CCDC85C: variants seen among roughly 807,000 people sequenced by gnomAD.
The protein encoded by CCDC85C is coiled-coil domain containing 85C.
A neutral mutation model predicts 38.3 loss-of-function variants in CCDC85C; 18 were observed. The observed-to-expected ratio is 0.47, with a 90% CI of 0.33 to 0.70. The LOEUF (loss-of-function observed/expected upper bound fraction) is 0.70. CCDC85C is among the 30% of genes least tolerant of loss of function. CCDC85C has a pLI of 0.03. For synonymous variants in CCDC85C, 264 were observed against 293.8 expected (o/e 0.90, Z 1.04); for missense variants, 566 against 621.2 (o/e 0.91, Z 0.94).
intron 1 of CCDC85C, among the ~76,000 whole-genome samples, chr14:99,593,125 C>G (rs1180704367): frequency 6.6e-6 from 1 of 152,362 alleles, no homozygotes; most frequent in Middle Eastern, 3.4e-3. Context: ...CGGGCCGGTG[C>G]CGTGCGCGGT....
intron 1 of CCDC85C, among the ~76,000 whole-genome samples, chr14:99,571,887 G>A (rs1898353133): frequency 6.6e-6 from 1 of 152,132 alleles, no homozygotes; most frequent in African/African-American, 2.4e-5. Context: ...GGCACCTCTT[G>A]GCACATGGGT....
At chr14:99,598,979 G>C (rs1432918297) in intron 1 of CCDC85C, among the ~76,000 whole-genome samples, 1 of 152,140 alleles carries the variant, frequency 6.6e-6, no homozygotes, top group East Asian at 1.9e-4. Context: ...GCCATTGATG[G>C]ATCCCTTGGG....
intron 1 of CCDC85C, among the ~76,000 whole-genome samples, chr14:99,562,526 G>A (rs1009382284): frequency 4.6e-5 from 7 of 152,224 alleles, no homozygotes; most frequent in Non-Finnish European, 4.4e-5. Context: ...CAGCCACATA[G>A]GGCCAGAGCT....
chr14:99,528,934 G>A (rs750967115), intron 2 of CCDC85C, among the ~76,000 whole-genome samples: 63 of 152,132 alleles, frequency 4.1e-4, no homozygotes, highest in Admixed American at 1.6e-3. Flanking sequence ...AAACTACCAC[G>A]GCACACGTGT....
intron 1 of CCDC85C, 101 bp from the exon 2 acceptor site, chr14:99,536,189 C>G (rs1488300901): frequency 1.2e-6 from 1 of 819,418 alleles, no homozygotes; most frequent in East Asian, 2.7e-5. Flanking sequence ...AGGTTTGGGT[C>G]TGAGGAGTCC....
At chr14:99,546,751 A>G (rs1054855398) in intron 1 of CCDC85C, among the ~76,000 whole-genome samples, 1 of 152,116 alleles carries the variant, frequency 6.6e-6, no homozygotes, top group Non-Finnish European at 1.5e-5. Context: ...GGGAAAGAAC[A>G]GAGCGCTTCA....
At chr14:99,562,650 GT>G (rs1898139512) in intron 1 of CCDC85C, among the ~76,000 whole-genome samples, 1 of 152,170 alleles carries the variant, frequency 6.6e-6, no homozygotes, top group Non-Finnish European at 1.5e-5. Context: ...CCCAACCTGG[GT>G]GAGAGGTGTG....
intron 1 of CCDC85C, among the ~76,000 whole-genome samples, chr14:99,574,719 G>C (rs1449831340): frequency 1.3e-5 from 2 of 152,220 alleles, no homozygotes; most frequent in African/African-American, 4.8e-5. Context: ...CTTGGTCCTT[G>C]TGTCCGCCCG....
At position 99,515,247 on chromosome 14, in the gene CCDC85C, TACAAA is replaced by T; in HGVS notation, c.1254_1258del (p.Leu419GlyfsTer42). The T allele has an allele frequency of 6.5e-7, 1 of 1,550,174 alleles. No homozygotes were observed. The highest frequency in any genetic ancestry group is 8.7e-7 in the Non-Finnish European group (1 of 1,146,444). ...GTCCACGTCCACAGAAGAGTGGCCC[TACAAA>T]GGCCCCTTGAACTGGTTCCCAGACA... On this transcript the variant is annotated frameshift_variant and stop_lost, in exon 6 of 6. Coordinates refer to ENST00000380243, the MANE Select transcript of CCDC85C (RefSeq NM_001144995.2). LOFTEE classifies it high-confidence loss of function.
In CCDC85C at chr14:99,506,229, G is replaced by A. The variant is rs1418570514; in HGVS notation, c.*9017C>T. 1 of 152,288 alleles carries A rather than the reference G, an allele frequency of 6.6e-6. No homozygotes were observed. The highest frequency in any genetic ancestry group is 2.4e-5 in the African/African-American group (1 of 41,458). The allele number at this position is 152,288 out of a possible 1,614,324, so 9.4% of individuals were successfully genotyped here. A position where few individuals can be genotyped will look rare whatever the true frequency, so the allele number is the denominator to read the frequency against. ...GAGATGGAGGAAATCCAGAGAAAGAGGCCAGTGATGGCAGAGGAGACTCAG... is the reference window on the plus strand; with the variant it reads ...GAGATGGAGGAAATCCAGAGAAAGAAGCCAGTGATGGCAGAGGAGACTCAG... On this transcript the variant is annotated 3_prime_UTR_variant, in exon 6 of 6. Transcript: ENST00000380243.
intron 1 of CCDC85C, among the ~76,000 whole-genome samples, chr14:99,566,539 C>A (rs181723266): frequency 6.6e-6 from 1 of 152,266 alleles, no homozygotes; most frequent in East Asian, 1.9e-4. Context: ...CCAGTGTGTG[C>A]AAGGTGCCAA....
rs137935167 is a variant in CCDC85C at position 99,544,778 on chromosome 14, G to C, written c.794-8690C>G. 1.3e-5 allele frequency among the ~76,000 whole-genome samples: 2 copies of C among 152,098 alleles called. No individual in the cohort carries two copies. Among genetic ancestry groups the C allele is most frequent in the African/African-American group, 4.8e-5 (2 of 41,386 alleles). ...ATGTGAAAAGACTTGATGTTAGTGAGGTTTTCAGTCTGAGCCAAAGACCCC... is the reference window on the plus strand; with the variant it reads ...ATGTGAAAAGACTTGATGTTAGTGACGTTTTCAGTCTGAGCCAAAGACCCC... On this transcript the variant is annotated intron_variant, in intron 1 of 5. Coordinates refer to ENST00000380243, the MANE Select transcript of CCDC85C (RefSeq NM_001144995.2). The surrounding 1 kb of genome is among the most constrained non-coding windows in gnomAD (Gnocchi z 5.3).
chr14:99,525,882 C>T (rs1478661107), intron 2 of CCDC85C, among the ~76,000 whole-genome samples: 1 of 152,210 alleles, frequency 6.6e-6, no homozygotes, highest in Non-Finnish European at 1.5e-5. Context: ...TGGGGACCTG[C>T]GAGGCTCCTC....
intron 1 of CCDC85C, among the ~76,000 whole-genome samples, chr14:99,599,246 A>C (rs2139995781): frequency 6.6e-6 from 1 of 152,274 alleles, no homozygotes; most frequent in Middle Eastern, 3.4e-3. Context: ...CAAAATTTTA[A>C]TCCGAACTTT....
intron 1 of CCDC85C, among the ~76,000 whole-genome samples, chr14:99,556,584 T>C (rs910515544): frequency 4.6e-5 from 7 of 152,208 alleles, no homozygotes; most frequent in African/African-American, 7.2e-5. Context: ...AGTGTGATCA[T>C]GGCTCACCTG....
intron 2 of CCDC85C, among the ~76,000 whole-genome samples, chr14:99,532,411 G>A (rs1040698182): frequency 2.0e-5 from 3 of 152,224 alleles, no homozygotes; most frequent in Admixed American, 6.5e-5. Flanking sequence ...GGTCCTGCGG[G>A]CTGGGCAAGG....
rs572139668 is a variant in CCDC85C, at chr14:99,502,320, T to C, written c.*12926A>G. On this transcript the variant is annotated 3_prime_UTR_variant, in exon 6 of 6. Coordinates refer to ENST00000380243, the MANE Select transcript of CCDC85C (RefSeq NM_001144995.2). ...ATACAAGAATGGACCTCCAAACCCA[T>C]GTATAGGAGATGGTGGGAGCAGTTT... The C allele has an allele frequency of 5.6e-6, 9 of 1,613,468 alleles. No homozygotes were observed. The highest frequency in any genetic ancestry group is 1.3e-5 in the African/African-American group (1 of 74,944).
Position 99,516,366 on chromosome 14 carries a change from C to A in CCDC85C, c.1072-80G>T. Reference sequence around the variant, plus strand: ...AAGTCACCTGGCCCCTGATCCTCAGCCTCCCCTGCTGCGAACCAAAGCTGA... The same window carrying A: ...AAGTCACCTGGCCCCTGATCCTCAGACTCCCCTGCTGCGAACCAAAGCTGA... On this transcript the variant is annotated intron_variant, in intron 4 of 5. Coordinates refer to ENST00000380243, the MANE Select transcript of CCDC85C (RefSeq NM_001144995.2). This position sits in a 1 kb window ranked among gnomAD's most constrained non-coding sequence, Gnocchi z 5.5. 9.4e-7 allele frequency: 1 copy of A among 1,060,902 alleles called. No individual in the cohort carries two copies. The highest frequency in any genetic ancestry group is 1.4e-6 in the Non-Finnish European group (1 of 707,016). 65.7% of individuals were successfully genotyped at this position (1,060,902 alleles called of 1,614,324 possible).
In CCDC85C at chr14:99,513,227, A is replaced by G. The variant is rs1460167779; in HGVS notation, c.*2019T>C. ...GTGGCCACGCCAACCTGACCCAAACATGATGCACACGGGCTCCCAGACTTG... is the reference window on the plus strand; with the variant it reads ...GTGGCCACGCCAACCTGACCCAAACGTGATGCACACGGGCTCCCAGACTTG... On this transcript the variant is annotated 3_prime_UTR_variant, in exon 6 of 6. Transcript: ENST00000380243. The G allele has an allele frequency of 6.6e-6, 1 of 152,114 alleles. No homozygotes were observed. The highest frequency in any genetic ancestry group is 1.5e-5 in the Non-Finnish European group (1 of 68,020). The allele number at this position is 152,114 out of a possible 1,614,324, so 9.4% of individuals were successfully genotyped here.
Sources: allele counts gnomAD v4.1 joint callset (sites outside exome capture counted in the v4.1 genomes callset), GRCh38; gene constraint gnomAD v4.1.1; non-coding constraint Gnocchi (gnomAD v3.1); transcripts MANE v1.5; gene names NCBI Gene and HGNC (gene_info 2026-07-23, HGNC 2026-07-21).